Variants in C8orf34 observed in about 807,000 individuals in gnomAD.
C8orf34 encodes uncharacterized protein C8orf34.
In C8orf34, 65 loss-of-function variants were observed where a neutral mutation model predicts 68.3. The observed-to-expected ratio is 0.95, with a 90% CI of 0.78 to 1.17. The LOEUF (loss-of-function observed/expected upper bound fraction) is 1.17. Among genes scored for constraint, C8orf34 ranks in the 50% most tolerant of loss-of-function variants. C8orf34 has a pLI of 0.00. For missense variants in C8orf34, 664 were observed against 655.4 expected (o/e 1.01, Z -0.14); for synonymous variants, 244 against 241.2 (o/e 1.01, Z -0.11).
At chr8:68,675,546 G>C (rs1585712043) in intron 8 of C8orf34, among the ~76,000 whole-genome samples, 1 of 151,134 alleles carries the variant, frequency 6.6e-6, no homozygotes. Flanking sequence ...GTTAGAATTT[G>C]CAAGCCTCAT....
At chr8:68,746,844 A>C (rs2129527464) in intron 10 of C8orf34, among the ~76,000 whole-genome samples, 1 of 152,096 alleles carries the variant, frequency 6.6e-6, no homozygotes, top group East Asian at 1.9e-4. Context: ...AAACTATTCC[A>C]ATCAACAGAA....
At chr8:68,451,709 A>T (rs1209370691) in intron 3 of C8orf34, among the ~76,000 whole-genome samples, 1 of 152,012 alleles carries the variant, frequency 6.6e-6, no homozygotes, top group Non-Finnish European at 1.5e-5. Flanking sequence ...AATATCAAAG[A>T]TCACTGATCA....
At chr8:68,533,423 C>T (rs978155367) in intron 7 of C8orf34, 1 of 1,092,636 alleles carries the variant, frequency 9.2e-7, no homozygotes, top group Non-Finnish European at 1.1e-6. Context: ...ATTCTGTGTG[C>T]AACTGTGATC....
chr8:68,745,504 G>C (rs1435447898), intron 10 of C8orf34, among the ~76,000 whole-genome samples: 2 of 152,082 alleles, frequency 1.3e-5, no homozygotes, highest in Non-Finnish European at 2.9e-5. Context: ...CACGTGCAGA[G>C]ACACACATAG....
At chr8:68,613,628 T>G (rs554620210) in intron 7 of C8orf34, among the ~76,000 whole-genome samples, 1 of 151,976 alleles carries the variant, frequency 6.6e-6, no homozygotes, top group Admixed American at 6.6e-5. Flanking sequence ...CTCATCATTT[T>G]TTATGGCTGC....
chr8:68,471,933 C>T (rs1586209671), intron 4 of C8orf34, among the ~76,000 whole-genome samples: 1 of 54,300 alleles, frequency 1.8e-5, no homozygotes, highest in Non-Finnish European at 5.3e-5. Context: ...TGAACACACA[C>T]ACACACACAC....
At chr8:68,669,781 A>C (rs2130837554) in intron 8 of C8orf34, among the ~76,000 whole-genome samples, 1 of 152,314 alleles carries the variant, frequency 6.6e-6, no homozygotes, top group African/African-American at 2.4e-5. Flanking sequence ...TCCAAGGAAG[A>C]GCTACAAACA....
intron 7 of C8orf34, among the ~76,000 whole-genome samples, chr8:68,596,127 C>G (rs1817540225): frequency 6.6e-6 from 1 of 152,002 alleles, no homozygotes; most frequent in South Asian, 2.1e-4. Flanking sequence ...ATTTCTTTCT[C>G]TATTAGTGTA....
In C8orf34 at chr8:68,485,724, A is replaced by AATAAAAT. The variant is rs34400081; in HGVS notation, c.737-2298_737-2297insTAAAATA. 4.5e-4 allele frequency among the ~76,000 whole-genome samples: 67 copies of AATAAAAT among 147,284 alleles called. 1 individual carries two copies. Among genetic ancestry groups the AATAAAAT allele is most frequent in the Admixed American group, 1.6e-3 (24 of 14,772 alleles). ...AAGACTCTGTCTCAAAAAAAAATAAAAAATAAATAAATAAATAAATAAATA... is the reference window on the plus strand; with the variant it reads ...AAGACTCTGTCTCAAAAAAAAATAAAATAAAATAAATAAATAAATAAATAAATAAATA... On this transcript the variant is annotated intron_variant, in intron 4 of 13. Transcript: ENST00000518698.
At chr8:68,504,223 T>G (rs1047510238) in intron 5 of C8orf34, among the ~76,000 whole-genome samples, 12 of 152,206 alleles carry the variant, frequency 7.9e-5, no homozygotes, top group African/African-American at 2.9e-4. Context: ...TTACTTAGAA[T>G]AATGTTTTCA....
intron 7 of C8orf34, among the ~76,000 whole-genome samples, chr8:68,632,924 G>T (rs975697316): frequency 2.0e-5 from 3 of 152,186 alleles, no homozygotes; most frequent in Non-Finnish European, 4.4e-5. Context: ...GAAATCTGCT[G>T]CAGGTCAGAG....
chr8:68,506,535 C>T (rs991128321), intron 5 of C8orf34, among the ~76,000 whole-genome samples: 3 of 152,032 alleles, frequency 2.0e-5, no homozygotes, highest in Non-Finnish European at 4.4e-5. Flanking sequence ...AAGTTAAATG[C>T]CTGATTTTTT....
chr8:68,597,979 A>G (rs1817595550), intron 7 of C8orf34, among the ~76,000 whole-genome samples: 1 of 152,180 alleles, frequency 6.6e-6, no homozygotes, highest in Non-Finnish European at 1.5e-5. Context: ...ATTCAAGAAC[A>G]TTAATATTTT....
At chr8:68,353,636 AT>A (rs35184810) in intron 1 of C8orf34, among the ~76,000 whole-genome samples, 89 of 114,814 alleles carry the variant, frequency 7.8e-4, no homozygotes, top group African/African-American at 1.5e-3. Flanking sequence ...TTATATATAT[AT>A]TATATATATA....
chr8:68,378,675 A>T (rs1250112087), intron 1 of C8orf34, among the ~76,000 whole-genome samples: 2 of 152,196 alleles, frequency 1.3e-5, no homozygotes, highest in South Asian at 2.1e-4. Flanking sequence ...CAATTTAACC[A>T]ATCAACTTGA....
intron 1 of C8orf34, chr8:68,438,775 C>T (rs1305038034): frequency 6.6e-6 from 1 of 151,814 alleles, no homozygotes; most frequent in Non-Finnish European, 1.5e-5. Flanking sequence ...CTGTTCCTGA[C>T]TGGAAAAAAA....
chr8:68,456,120 G>C (rs1256420529), intron 3 of C8orf34, among the ~76,000 whole-genome samples: 1 of 151,410 alleles, frequency 6.6e-6, no homozygotes, highest in Non-Finnish European at 1.5e-5. Context: ...GCAGGGCGTG[G>C]TGGTGGGTGC....
intron 1 of C8orf34, among the ~76,000 whole-genome samples, chr8:68,369,963 T>C (rs568693208): frequency 2.0e-5 from 3 of 152,188 alleles, no homozygotes; most frequent in African/African-American, 7.2e-5. Flanking sequence ...CTTTATGGGT[T>C]GTCCAGGACA....
At chr8:68,722,674 A>G (rs1040331362) in intron 10 of C8orf34, among the ~76,000 whole-genome samples, 2 of 151,840 alleles carry the variant, frequency 1.3e-5, no homozygotes, top group African/African-American at 2.4e-5. Flanking sequence ...TTTACTGTCC[A>G]TTTCTTTCCA....
Sources: allele counts gnomAD v4.1 joint callset (sites outside exome capture counted in the v4.1 genomes callset), GRCh38; gene constraint gnomAD v4.1.1; transcripts MANE v1.5; gene names NCBI Gene and HGNC (gene_info 2026-07-23, HGNC 2026-07-21).